Variants in FLNB observed in about 807,000 individuals in gnomAD.
FLNB encodes filamin-B.
In FLNB, 111 loss-of-function variants were observed where a neutral mutation model predicts 250.6. The observed-to-expected ratio is 0.44, with a 90% CI of 0.38 to 0.52. The LOEUF is 0.52. Ranked by LOEUF, FLNB falls within the 20% of genes least tolerant of loss-of-function variation. The pLI, the probability that FLNB is intolerant of heterozygous loss-of-function variation, is 0.00. For missense variants in FLNB, 2,869 were observed against 3,447.8 expected (o/e 0.83, Z 4.20); for synonymous variants, 1,302 against 1,372.1 (o/e 0.95, Z 1.13).
intron 1 of FLNB, among the ~76,000 whole-genome samples, chr3:58,013,961 G>A (rs1008089279): frequency 2.0e-5 from 3 of 152,216 alleles, no homozygotes; most frequent in South Asian, 2.1e-4. Flanking sequence ...AATCCCACTT[G>A]CCACTAAGTA....
At chr3:58,017,191 G>A (rs1038511115) in intron 1 of FLNB, among the ~76,000 whole-genome samples, 3 of 152,146 alleles carry the variant, frequency 2.0e-5, no homozygotes, top group African/African-American at 4.8e-5. Context: ...TACAGAGGAC[G>A]GAATTACTGG....
intron 24 of FLNB, among the ~76,000 whole-genome samples, chr3:58,128,374 C>T (rs1054873789): frequency 1.3e-5 from 2 of 152,230 alleles, no homozygotes; most frequent in African/African-American, 4.8e-5. Flanking sequence ...TCTCCTCAAA[C>T]TTGTGCTTGC....
At chr3:58,135,767 T>C (rs2097314853) in intron 27 of FLNB, among the ~76,000 whole-genome samples, 1 of 152,106 alleles carries the variant, frequency 6.6e-6, no homozygotes, top group Admixed American at 6.5e-5. Context: ...GACAACAAAA[T>C]TACTAAAAAT....
chr3:58,107,728 G>A (rs2097261935), intron 12 of FLNB, among the ~76,000 whole-genome samples: 1 of 152,234 alleles, frequency 6.6e-6, no homozygotes, highest in Non-Finnish European at 1.5e-5. Flanking sequence ...GTCTGAGCCA[G>A]CCTGGCTGAC....
At chr3:58,106,029 A>C (rs1033848992) in intron 11 of FLNB, among the ~76,000 whole-genome samples, 18 of 152,292 alleles carry the variant, frequency 1.2e-4, no homozygotes, top group African/African-American at 4.3e-4. Context: ...TTGGTACAGA[A>C]AATATCTTAG....
chr3:58,111,910 G>A (rs749827892), intron 17 of FLNB, 29 bp downstream of exon 17: 4 of 1,575,320 alleles, frequency 2.5e-6, no homozygotes, highest in Middle Eastern at 1.7e-4. Context: ...GTTGTCCTGG[G>A]CCCCTCTGCC....
intron 1 of FLNB, among the ~76,000 whole-genome samples, chr3:58,073,790 T>C (rs1186106967): frequency 1.3e-5 from 2 of 152,200 alleles, no homozygotes; most frequent in Non-Finnish European, 2.9e-5. Flanking sequence ...ATTCAGGTTT[T>C]TAAAAGAATC....
intron 1 of FLNB, among the ~76,000 whole-genome samples, chr3:58,070,824 A>T (rs1354288824): frequency 1.3e-5 from 2 of 151,144 alleles, no homozygotes; most frequent in East Asian, 3.9e-4. Flanking sequence ...CACGCCCAGC[A>T]AATTTTTAGA....
At chr3:58,111,956 T>C in intron 17 of FLNB, 75 bp downstream of exon 17, 2 of 1,313,898 alleles carry the variant, frequency 1.5e-6, no homozygotes, top group East Asian at 4.6e-5. Context: ...TCCACGGCCT[T>C]GAGGAACTTC....
At chr3:58,157,871 A>G (rs1559737384) in intron 41 of FLNB, among the ~76,000 whole-genome samples, 2 of 152,204 alleles carry the variant, frequency 1.3e-5, no homozygotes, top group African/African-American at 4.8e-5. Context: ...CAGTAAGTGC[A>G]CAGCAGGCTG....
chr3:58,153,651 G>C lies in FLNB; in HGVS notation c.6634+10G>C. ...GAAGCGGGAGTCCCAGGTGAGCATT[G>C]CGGGCAGGATTTTCACTTGGGAAGA... On this transcript the variant is annotated intron_variant, in intron 39 of 45. Coordinates refer to ENST00000295956, the MANE Select transcript of FLNB (RefSeq NM_001457.4). 1 of 1,613,872 alleles carries C rather than the reference G, an allele frequency of 6.2e-7. No homozygotes were observed. Among genetic ancestry groups the C allele is most frequent in the Non-Finnish European group, 8.5e-7 (1 of 1,179,920 alleles).
rs778121912 is a variant in FLNB, at chr3:58,123,659, C to T, written c.3693C>T (p.Ile1231=). The change falls in exon 21 of 46, where the codon ATC becomes ATT. Residue 1231 remains isoleucine, a synonymous_variant. Coordinates refer to ENST00000295956, the MANE Select transcript of FLNB (RefSeq NM_001457.4). The stretch of plus-strand genomic sequence containing the variant: ...AGCCCGCCGTGGACACCAGCAGGAT[C>T]AAAGTCTTTGGACCAGGAATAGAAG... ...KVEPAVDTSR[I]KVFGPGIEGK... is the part of the protein sequence containing the mutation. 3.5e-6 allele frequency: 5 copies of T among 1,445,596 alleles called. No individual in the cohort carries two copies. Among genetic ancestry groups the T allele is most frequent in the Non-Finnish European group, 4.7e-6 (5 of 1,058,802 alleles). 89.5% of individuals were successfully genotyped at this position (1,445,596 alleles called of 1,614,324 possible). A position where few individuals can be genotyped will look rare whatever the true frequency, so the allele number is the denominator to read the frequency against.
intron 32 of FLNB, 88 bp downstream of exon 32, chr3:58,143,701 G>C (rs892255969): frequency 1.3e-6 from 2 of 1,504,918 alleles, no homozygotes; most frequent in Non-Finnish European, 1.8e-6. Flanking sequence ...TTTGCAGGGA[G>C]CAGCTCTCGG....
Position 58,169,679 on chromosome 3 carries a change from A to G in FLNB, c.7507A>G (p.Ser2503Gly), listed in dbSNP as rs761994878. ...VTRSSTETCY[S>G]AIPKASSDAS... ...CAGGTCGTCTACAGAGACCTGCTAT[A>G]GCGCCATTCCCAAGGCATCCTCGGA... Residue 2503 changes from serine to glycine, a missense_variant, in exon 45 of 46, where the codon AGC (serine) becomes GGC (glycine). Transcript: ENST00000295956. The surrounding 1 kb of genome is among the most constrained non-coding windows in gnomAD (Gnocchi z 4.8). 11 of 1,613,902 alleles carry G rather than the reference A, an allele frequency of 6.8e-6. No homozygotes were observed. In the East Asian group the frequency reaches 2.5e-4, roughly 36 times the overall value.
intron 24 of FLNB, among the ~76,000 whole-genome samples, chr3:58,130,079 G>C (rs2097304394): frequency 6.6e-6 from 1 of 152,212 alleles, no homozygotes; most frequent in Non-Finnish European, 1.5e-5. Flanking sequence ...GCTTCACCAG[G>C]TGGCCGAGTG....
chr3:58,137,092 C>T (rs1003452793), intron 28 of FLNB, among the ~76,000 whole-genome samples: 7 of 152,256 alleles, frequency 4.6e-5, no homozygotes, highest in Admixed American at 3.9e-4. Context: ...AAACACGAAT[C>T]CCCATCTCTA....
Position 58,141,938 on chromosome 3 carries a change from T to C in FLNB, c.5181+9T>C. ...CTGGATTCAGGCCCTGGGTACAATT[T>C]TGGTTTTTTCCTTTTTGTGTTTCTG... On this transcript the variant is annotated intron_variant, in intron 30 of 45. Coordinates refer to ENST00000295956, the MANE Select transcript of FLNB (RefSeq NM_001457.4). 1 of 1,613,850 alleles carries C rather than the reference T, an allele frequency of 6.2e-7. No homozygotes were observed. The highest frequency in any genetic ancestry group is 8.5e-7 in the Non-Finnish European group (1 of 1,179,724).
chr3:58,123,176 T>C lies in FLNB; in HGVS notation c.3210T>C (p.Thr1070=). Residue 1070 remains threonine (T), a synonymous_variant, in exon 21 of 46, where the codon ACT becomes ACC. Coordinates refer to ENST00000295956, the MANE Select transcript of FLNB (RefSeq NM_001457.4). ...EFTIDTKGAG[T]GGLGLTVEGP... Reference sequence around the variant, plus strand: ...CCATCGATACCAAAGGAGCTGGTACTGGAGGTCTGGGCTTAACGGTGGAAG... The same window carrying C: ...CCATCGATACCAAAGGAGCTGGTACCGGAGGTCTGGGCTTAACGGTGGAAG... The C allele has an allele frequency of 1.2e-6, 2 of 1,614,102 alleles. No homozygotes were observed. The highest frequency in any genetic ancestry group is 1.7e-6 in the Non-Finnish European group (2 of 1,179,936).
At chr3:58,086,855 C>G (rs769282558) in intron 4 of FLNB, among the ~76,000 whole-genome samples, 3 of 152,222 alleles carry the variant, frequency 2.0e-5, no homozygotes, top group Non-Finnish European at 4.4e-5. Context: ...TGGCTCACGC[C>G]TGTAATCCCA....
Sources: gnomAD v4.1 joint callset for allele counts (sites outside exome capture counted in the v4.1 genomes callset) on GRCh38, gnomAD v4.1.1 for gene constraint, Gnocchi (gnomAD v3.1) non-coding constraint, MANE v1.5 for transcripts, NCBI Gene and HGNC (gene_info 2026-07-23, HGNC 2026-07-21) for gene names.